The following AHNAK variants were observed in gnomAD, a reference collection of about 807,000 sequenced individuals.
The protein encoded by AHNAK is AHNAK nucleoprotein, also known as neuroblast differentiation-associated protein AHNAK.
AHNAK carries 23 observed loss-of-function variants against 37.8 expected under a neutral mutation model. The ratio of observed to expected loss-of-function variants is 0.61; its 90% confidence interval spans 0.44 to 0.86. The LOEUF is 0.86. AHNAK is among the 40% of genes least tolerant of loss of function. The pLI, the probability that AHNAK is intolerant of heterozygous loss-of-function variation, is 0.00. For synonymous variants in AHNAK, 2,481 were observed against 2,636.3 expected (o/e 0.94, Z 1.80); for missense variants, 7,411 against 7,319.4 (o/e 1.01, Z -0.46).
intron 5 of AHNAK, among the ~76,000 whole-genome samples, chr11:62,460,802 A>G (rs1309289810): frequency 6.6e-6 from 1 of 151,880 alleles, no homozygotes; most frequent in Admixed American, 6.6e-5. Flanking sequence ...CATGTGGTAG[A>G]GTGGGACTTC....
intron 4 of AHNAK, among the ~76,000 whole-genome samples, chr11:62,498,095 A>G (rs1239182681): frequency 1.3e-5 from 2 of 152,256 alleles, no homozygotes; most frequent in Admixed American, 6.5e-5. Context: ...TTTCACCTAC[A>G]TGGAACATCT....
At chr11:62,541,810 G>A (rs746409271) in intron 1 of AHNAK, 3 of 152,214 alleles carry the variant, frequency 2.0e-5, no homozygotes, top group Non-Finnish European at 4.4e-5. Flanking sequence ...TGCAAGCCCA[G>A]GAGTCTCTGA....
chr11:62,484,681 G>A (rs963621161), intron 5 of AHNAK, among the ~76,000 whole-genome samples: 8 of 152,200 alleles, frequency 5.3e-5, no homozygotes, highest in South Asian at 4.1e-4. Flanking sequence ...AAGCCTCTAC[G>A]CTACCACGAG....
At position 62,516,055 on chromosome 11, in the gene AHNAK, G is replaced by A; in HGVS notation, c.*689C>T. ...AATATCAGGAACATGGCGGCATGAA[G>A]GAAACAGTTCCCTTACAAAACACAG... On this transcript the variant is annotated 3_prime_UTR_variant, in exon 5 of 5. Coordinates refer to ENST00000378024, the MANE Select transcript of AHNAK (RefSeq NM_001620.3). 1 of 1,197,942 alleles carries A rather than the reference G, an allele frequency of 8.3e-7. No homozygotes were observed. Among genetic ancestry groups the A allele is most frequent in the Non-Finnish European group, 1.1e-6 (1 of 944,816 alleles). The allele number at this position is 1,197,942 out of a possible 1,614,324, so 74.2% of individuals were successfully genotyped here.
intron 4 of AHNAK, among the ~76,000 whole-genome samples, chr11:62,506,066 G>A (rs1285409162): frequency 6.7e-6 from 1 of 150,052 alleles, no homozygotes; most frequent in Non-Finnish European, 1.5e-5. Context: ...TTAACAAGCT[G>A]GGCATGGTGG....
Position 62,535,195 on chromosome 11 carries a change from G to C in AHNAK, c.155-5C>G. 6.2e-7 allele frequency: 1 copy of C among 1,603,098 alleles called. No individual in the cohort carries two copies. The highest frequency in any genetic ancestry group is 8.5e-7 in the Non-Finnish European group (1 of 1,170,826). On this transcript the variant is annotated splice_region_variant and splice_polypyrimidine_tract_variant and intron_variant, in intron 3 of 4. Coordinates refer to ENST00000378024, the MANE Select transcript of AHNAK (RefSeq NM_001620.3). ...TGGCACCCACAATCTGGTCCCCTGA[G>C]CAGGGAAGAGCAGGAAGCAGGTAAG...
intron 4 of AHNAK, among the ~76,000 whole-genome samples, chr11:62,498,830 G>A (rs1939661766): frequency 6.6e-6 from 1 of 152,122 alleles, no homozygotes; most frequent in Non-Finnish European, 1.5e-5. Flanking sequence ...TGGAAATGTT[G>A]GCTCTAAAAA....
rs1473670437 is a variant in AHNAK at position 62,520,096 on chromosome 11, G to A, written c.14321C>T (p.Pro4774Leu). Reference sequence around the variant, plus strand: ...CTTGGGCATCTTCAGGTGCCAGTCTGGGCCATGAACATCCACATCAGGGGT... The same window carrying A: ...CTTGGGCATCTTCAGGTGCCAGTCTAGGCCATGAACATCCACATCAGGGGT... ...INTPDVDVHG[P>L]DWHLKMPKVK... The change falls in exon 5 of 5, where the codon CCA becomes CTA. Residue 4774 changes from proline to leucine, a missense_variant. Coordinates refer to ENST00000378024, the MANE Select transcript of AHNAK (RefSeq NM_001620.3). The A allele has an allele frequency of 6.2e-7, 1 of 1,612,804 alleles. No homozygotes were observed. Among genetic ancestry groups the A allele is most frequent in the Admixed American group, 1.7e-5 (1 of 59,826 alleles).
rs1019331090 is a variant in AHNAK at position 62,516,262 on chromosome 11, C to T, written c.*482G>A. The T allele has an allele frequency of 3.9e-6, 5 of 1,289,102 alleles. No individual in the cohort carries two copies. Among genetic ancestry groups the T allele is most frequent in the African/African-American group, 1.5e-5 (1 of 65,830 alleles). The allele number at this position is 1,289,102 out of a possible 1,614,324, so 79.9% of individuals were successfully genotyped here. On this transcript the variant is annotated 3_prime_UTR_variant, in exon 5 of 5. Coordinates refer to ENST00000378024, the MANE Select transcript of AHNAK (RefSeq NM_001620.3). ...CCACCACCTCTGGGCCATCTGTGGGCGTTTGCTGTTTGAACAGATCCAGTC... is the reference window on the plus strand; with the variant it reads ...CCACCACCTCTGGGCCATCTGTGGGTGTTTGCTGTTTGAACAGATCCAGTC...
intron 5 of AHNAK, among the ~76,000 whole-genome samples, chr11:62,470,445 A>G (rs1020528616): frequency 2.0e-5 from 3 of 148,960 alleles, no homozygotes; most frequent in African/African-American, 7.4e-5. Flanking sequence ...CTCTGTCTCA[A>G]AAAAAAAAAA....
intron 5 of AHNAK, among the ~76,000 whole-genome samples, chr11:62,484,245 G>A (rs1451624658): frequency 3.3e-5 from 5 of 151,746 alleles, no homozygotes; most frequent in Non-Finnish European, 7.4e-5. Flanking sequence ...AGCTGGGCAT[G>A]GTAGCACACA....
intron 4 of AHNAK, among the ~76,000 whole-genome samples, chr11:62,492,094 G>A (rs944973325): frequency 6.6e-6 from 1 of 152,064 alleles, no homozygotes; most frequent in African/African-American, 2.4e-5. Flanking sequence ...TCACACAAAG[G>A]GGACAATGCT....
rs1590677184 is a variant in AHNAK, at chr11:62,531,327, A to G, written c.3090T>C (p.Ser1030=). 1 of 1,612,234 alleles carries G rather than the reference A, an allele frequency of 6.2e-7. No individual in the cohort carries two copies. Among genetic ancestry groups the G allele is most frequent in the South Asian group, 1.1e-5 (1 of 90,974 alleles). Residue 1030 remains serine, a synonymous_variant, in exon 5 of 5, where the codon TCT becomes TCC. Transcript: ENST00000378024. ...VNLSKANVDI[S]APKVDTNAPD... is the part of the protein sequence containing the mutation. Reference sequence around the variant, plus strand: ...GAGCATTAGTATCTACTTTTGGTGCAGAAATGTCCACATTCGCTTTGGACA... The same window carrying G: ...GAGCATTAGTATCTACTTTTGGTGCGGAAATGTCCACATTCGCTTTGGACA...
chr11:62,434,778 A>G (rs1383924153), intron 5 of AHNAK, among the ~76,000 whole-genome samples: 1 of 152,028 alleles, frequency 6.6e-6, no homozygotes, highest in Non-Finnish European at 1.5e-5. Context: ...AAAGAAATAC[A>G]AAAATTAGCC....
chr11:62,525,551 T>C lies in AHNAK; in HGVS notation c.8866A>G (p.Met2956Val), dbSNP rs1940446509. 1.2e-6 allele frequency: 2 copies of C among 1,614,026 alleles called. No homozygotes were observed. Among genetic ancestry groups the C allele is most frequent in the Non-Finnish European group, 1.7e-6 (2 of 1,180,016 alleles). Residue 2956 changes from methionine to valine, a missense_variant, in exon 5 of 5, where the codon ATG (methionine) becomes GTG (valine). Coordinates refer to ENST00000378024, the MANE Select transcript of AHNAK (RefSeq NM_001620.3). ...LKGPKFKMPEMNIKAPKIPMP... is the reference protein window; with the variant it reads ...LKGPKFKMPEVNIKAPKIPMP... ...GGGATCTTGGGGGCTTTGATATTCA[T>C]CTCTGGCATCTTGAACTTGGGCCCT...
At chr11:62,544,850 T>C (rs1028355875) in intron 1 of AHNAK, among the ~76,000 whole-genome samples, 2 of 152,108 alleles carry the variant, frequency 1.3e-5, no homozygotes, top group African/African-American at 4.8e-5. Flanking sequence ...CTTAAACGCC[T>C]TCCCCCACTC....
At chr11:62,463,144 A>G (rs1938828691) in intron 5 of AHNAK, among the ~76,000 whole-genome samples, 1 of 127,784 alleles carries the variant, frequency 7.8e-6, no homozygotes, top group Non-Finnish European at 1.7e-5. Context: ...AAAAAAAAAA[A>G]AGAGTTGGCT....
chr11:62,506,295 C>T (rs1214841488), intron 4 of AHNAK, among the ~76,000 whole-genome samples: 1 of 151,922 alleles, frequency 6.6e-6, no homozygotes, highest in Non-Finnish European at 1.5e-5. Flanking sequence ...CGAGTTCCTT[C>T]CCCTTGGAAG....
chr11:62,479,172 T>C (rs1939211706), intron 5 of AHNAK, among the ~76,000 whole-genome samples: 1 of 146,122 alleles, frequency 6.8e-6, no homozygotes, highest in African/African-American at 2.5e-5. Context: ...TTTTTCTTTT[T>C]TTTTTTTTTT....
Sources: gnomAD v4.1 joint callset for allele counts (sites outside exome capture counted in the v4.1 genomes callset) on GRCh38, gnomAD v4.1.1 for gene constraint, MANE v1.5 for transcripts, NCBI Gene and HGNC (gene_info 2026-07-23, HGNC 2026-07-21) for gene names.